The following C1orf21 variants were observed in gnomAD, a reference collection of about 807,000 sequenced individuals.
C1orf21 encodes uncharacterized protein C1orf21.
Under a neutral mutation model 18.7 loss-of-function variants are expected in C1orf21, and 3 were observed. The ratio of observed to expected loss-of-function variants is 0.16; its 90% CI spans 0.07 to 0.42. The LOEUF (loss-of-function observed/expected upper bound fraction) is 0.42. C1orf21 is among the 10% of genes least tolerant of loss of function. The probability of loss-of-function intolerance (pLI) is 0.99; values close to 1 mark genes in which losing one functional copy is unlikely to be tolerated. For synonymous variants in C1orf21, 41 were observed against 46.4 expected (o/e 0.88, Z 0.47); for missense variants, 104 against 143.6 (o/e 0.72, Z 1.41).
chr1:184,568,052 C>T (rs987148023), intron 3 of C1orf21, among the ~76,000 whole-genome samples: 4 of 152,204 alleles, frequency 2.6e-5, no homozygotes, highest in African/African-American at 9.7e-5. Context: ...GTACCCAGCA[C>T]ACTCCTGCAC....
intron 1 of C1orf21, among the ~76,000 whole-genome samples, chr1:184,446,188 C>T (rs1396565495): frequency 6.6e-6 from 1 of 152,082 alleles, no homozygotes; most frequent in Non-Finnish European, 1.5e-5. Context: ...ATCTCAAATG[C>T]CATCGAGAGA....
intron 3 of C1orf21, among the ~76,000 whole-genome samples, chr1:184,561,228 AC>A (rs1658958875): frequency 6.6e-6 from 1 of 152,068 alleles, no homozygotes; most frequent in Admixed American, 6.5e-5. Context: ...TGGTTCTCTC[AC>A]CCAACCCACT....
At chr1:184,484,071 C>A (rs1449390291) in intron 2 of C1orf21, among the ~76,000 whole-genome samples, 1 of 152,046 alleles carries the variant, frequency 6.6e-6, no homozygotes, top group Non-Finnish European at 1.5e-5. Flanking sequence ...TTACAGGCAC[C>A]CACCACCGCG....
In C1orf21 at chr1:184,484,884, CTGTGTGTGTGTGTGTGTG is replaced by C. The variant is rs3034460; in HGVS notation, c.94+7302_94+7319del. Among the ~76,000 whole-genome samples the C allele has an allele frequency of 2.6e-4, 38 of 146,092 alleles. 2 individuals carry two copies. In the South Asian group the frequency reaches 7.8e-3, roughly 30 times the overall value. Reference sequence around the variant, plus strand: ...GAGAGCATATAACAGATGCTTGTGGCTGTGTGTGTGTGTGTGTGTGTGTGTGTGTGTGTGTGTGATGGT... The same window carrying C: ...GAGAGCATATAACAGATGCTTGTGGCTGTGTGTGTGTGTGTGTGTGATGGT... On this transcript the variant is annotated intron_variant, in intron 2 of 5. Transcript: ENST00000235307.
chr1:184,388,063 C>T (rs1655914860), intron 1 of C1orf21, among the ~76,000 whole-genome samples: 1 of 152,224 alleles, frequency 6.6e-6, no homozygotes, highest in East Asian at 1.9e-4. Flanking sequence ...GCCGCCGCCG[C>T]GGCTGCCTTT....
At chr1:184,582,478 T>C (rs1171746942) in intron 3 of C1orf21, among the ~76,000 whole-genome samples, 2 of 152,226 alleles carry the variant, frequency 1.3e-5, no homozygotes, top group Non-Finnish European at 2.9e-5. Flanking sequence ...CTCCTCTCTG[T>C]GTAGGGCACT....
intron 5 of C1orf21, among the ~76,000 whole-genome samples, chr1:184,608,124 A>T (rs1382574156): frequency 6.6e-6 from 1 of 152,190 alleles, no homozygotes; most frequent in African/African-American, 2.4e-5. Flanking sequence ...AATGGGTGGT[A>T]GTTTCATTTC....
At chr1:184,541,691 G>C (rs1352014444) in intron 3 of C1orf21, among the ~76,000 whole-genome samples, 1 of 152,202 alleles carries the variant, frequency 6.6e-6, no homozygotes, top group Non-Finnish European at 1.5e-5. Context: ...AACTTTAAAA[G>C]CAGTGGCCTG....
At chr1:184,516,243 T>C (rs563834453) in intron 3 of C1orf21, among the ~76,000 whole-genome samples, 5 of 152,322 alleles carry the variant, frequency 3.3e-5, no homozygotes, top group Middle Eastern at 3.4e-3. Context: ...GAGGACTAAT[T>C]TGAAACACCC....
chr1:184,617,124 T>C (rs2102012160), intron 5 of C1orf21, among the ~76,000 whole-genome samples: 1 of 152,298 alleles, frequency 6.6e-6, no homozygotes, highest in East Asian at 1.9e-4. Flanking sequence ...AGCTAACATT[T>C]ATTGACTACT....
chr1:184,393,956 C>G, intron 1 of C1orf21, among the ~76,000 whole-genome samples: 1 of 152,048 alleles, frequency 6.6e-6, no homozygotes, highest in East Asian at 1.9e-4. Context: ...TCATGGGACA[C>G]ATTTATGCCA....
At chr1:184,569,307 G>A (rs1322718721) in intron 3 of C1orf21, among the ~76,000 whole-genome samples, 2 of 152,228 alleles carry the variant, frequency 1.3e-5, no homozygotes, top group Admixed American at 6.5e-5. Context: ...CAAGGAAGCA[G>A]CAGTTCCCAT....
chr1:184,570,334 A>G lies in C1orf21; in HGVS notation c.190-20405A>G, dbSNP rs1446694319. Among the ~76,000 whole-genome samples the G allele has an allele frequency of 2.6e-5, 4 of 152,106 alleles. No homozygotes were observed. The East Asian group carries it at 7.7e-4, about 29-fold the overall frequency. On this transcript the variant is annotated intron_variant, in intron 3 of 5. Transcript: ENST00000235307. ...TTTAAATTATGTTAAATATGCTGAA[A>G]TGTGTTAAATATGTTTATGTTTAAT... is the stretch of plus-strand genomic sequence containing the variant.
At chr1:184,457,483 A>G (rs1164543837) in intron 1 of C1orf21, among the ~76,000 whole-genome samples, 1 of 152,154 alleles carries the variant, frequency 6.6e-6, no homozygotes, top group Non-Finnish European at 1.5e-5. Context: ...ATTTTTACAT[A>G]GATTCTATTT....
intron 3 of C1orf21, among the ~76,000 whole-genome samples, chr1:184,533,903 C>T (rs552115261): frequency 4.6e-5 from 7 of 152,304 alleles, no homozygotes; most frequent in African/African-American, 1.7e-4. Flanking sequence ...CATATCCAGA[C>T]TTGTACTTGG....
intron 3 of C1orf21, among the ~76,000 whole-genome samples, chr1:184,580,113 A>C (rs1313774772): frequency 1.3e-5 from 2 of 152,076 alleles, no homozygotes; most frequent in Non-Finnish European, 2.9e-5. Flanking sequence ...TCAACAAGCA[A>C]AATGTCTTGA....
chr1:184,589,278 C>T (rs901566921), intron 3 of C1orf21, among the ~76,000 whole-genome samples: 5 of 152,236 alleles, frequency 3.3e-5, no homozygotes, highest in East Asian at 1.9e-4. Context: ...AAGGAACTTA[C>T]GCCTTCAGTC....
intron 3 of C1orf21, among the ~76,000 whole-genome samples, chr1:184,564,644 A>G (rs1377649750): frequency 2.0e-5 from 3 of 152,232 alleles, no homozygotes; most frequent in Non-Finnish European, 2.9e-5. Context: ...AACAGGAGAC[A>G]ATAATACTAT....
intron 1 of C1orf21, among the ~76,000 whole-genome samples, chr1:184,412,955 C>T (rs938088759): frequency 2.6e-5 from 4 of 152,110 alleles, no homozygotes; most frequent in African/African-American, 4.8e-5. Flanking sequence ...TTGGGAAAAC[C>T]GAGATATCTT....
Sources: gnomAD v4.1 joint callset for allele counts (sites outside exome capture counted in the v4.1 genomes callset) on GRCh38, gnomAD v4.1.1 for gene constraint, MANE v1.5 for transcripts, NCBI Gene and HGNC (gene_info 2026-07-23, HGNC 2026-07-21) for gene names.